Variants in IL12RB1 observed in about 807,000 individuals in gnomAD.
IL12RB1 encodes interleukin-12 receptor subunit beta-1.
Under a neutral mutation model 94.4 loss-of-function variants are expected in IL12RB1, and 64 were observed. That is an observed-to-expected ratio of 0.68 (90% confidence interval 0.55 to 0.83). The LOEUF (loss-of-function observed/expected upper bound fraction) is 0.83, where lower values mean the gene tolerates loss of function less well. Ranked by LOEUF, IL12RB1 falls within the 40% of genes least tolerant of loss-of-function variation. IL12RB1 has a pLI of 0.00. For synonymous variants in IL12RB1, 362 were observed against 355.5 expected (o/e 1.02, Z -0.21); for missense variants, 814 against 855.6 (o/e 0.95, Z 0.61).
chr19:18,091,249 C>A (rs889966341), upstream of IL12RB1, among the ~76,000 whole-genome samples: 29 of 152,234 alleles, frequency 1.9e-4, no homozygotes, highest in African/African-American at 6.5e-4. Context: ...TCCTTCCCTC[C>A]GTCTCTAGGC....
intron 1 of IL12RB1, among the ~76,000 whole-genome samples, chr19:18,095,259 A>C (rs1320507038): frequency 6.6e-6 from 1 of 152,222 alleles, no homozygotes; most frequent in Non-Finnish European, 1.5e-5. Flanking sequence ...AATAGCTACC[A>C]AAATGTGAAA....
intron 15 of IL12RB1, among the ~76,000 whole-genome samples, 168 bp from the exon 16 acceptor site, chr19:18,060,253 T>G (rs1041205869): frequency 6.6e-6 from 1 of 151,822 alleles, no homozygotes; most frequent in African/African-American, 2.4e-5. Context: ...CTGAGGCGGG[T>G]GGATCACTTG....
chr19:18,092,483 T>G (rs2036673560), intron 1 of IL12RB1, among the ~76,000 whole-genome samples: 1 of 151,250 alleles, frequency 6.6e-6, no homozygotes, highest in Non-Finnish European at 1.5e-5. Context: ...AGAGTGAAAT[T>G]CTGTCTCAAA....
At chr19:18,063,805 C>T (rs778922204) in intron 13 of IL12RB1, 71 bp downstream of exon 13, 77 of 1,431,822 alleles carry the variant, frequency 5.4e-5, no homozygotes, top group Non-Finnish European at 7.3e-5. Flanking sequence ...GGCAGGGCTG[C>T]TAAGATCATT....
intron 9 of IL12RB1, chr19:18,071,457 C>A (rs990064460): frequency 1.2e-5 from 5 of 433,610 alleles, no homozygotes; most frequent in South Asian, 7.9e-5. Flanking sequence ...CAGGGTGGAG[C>A]GCAGTGGCTC....
chr19:18,062,182 T>C lies in IL12RB1; in HGVS notation c.1714A>G (p.Arg572Gly), dbSNP rs376261931. Residue 572 changes from arginine to glycine, a missense_variant and splice_region_variant, in exon 14 of 17, where the codon AGG (arginine) becomes GGG (glycine). Coordinates refer to ENST00000593993, the MANE Select transcript of IL12RB1 (RefSeq NM_005535.3). ...GTAACGGTAAGAGGTGTCAGTTACCTGTTCAGGCCAAGGTAGCCAAGGACG... is the reference window on the plus strand; with the variant it reads ...GTAACGGTAAGAGGTGTCAGTTACCCGTTCAGGCCAAGGTAGCCAAGGACG... ...VGVLGYLGLN[R>G]AARHLCPPLP... is the part of the protein sequence containing the mutation. The C allele has an allele frequency of 1.9e-6, 3 of 1,601,320 alleles. No individual in the cohort carries two copies. Among genetic ancestry groups the C allele is most frequent in the Non-Finnish European group, 2.6e-6 (3 of 1,168,706 alleles).
chr19:18,076,308 T>A lies in IL12RB1; in HGVS notation c.569A>T (p.Asp190Val). Reference protein sequence around the residue: ...PWKLGDCGPQDDDTESCLCPL... With the variant: ...PWKLGDCGPQVDDTESCLCPL... The stretch of plus-strand genomic sequence containing the variant: ...ATTATTATTCTCACCAGTATCATCA[T>A]CCTGAGGTCCGCAGTCGCCCTAGAA... The change falls in exon 6 of 17, where the codon GAT (aspartate) becomes GTT (valine). Residue 190 changes from aspartate (D) to valine (V), a missense_variant. Asp to Val is a radical substitution (Grantham distance 152, BLOSUM62 -3). Transcript: ENST00000593993. The A allele has an allele frequency of 6.9e-7, 1 of 1,442,250 alleles. No homozygotes were observed. The highest frequency in any genetic ancestry group is 9.8e-7 in the Non-Finnish European group (1 of 1,023,032). 89.3% of individuals were successfully genotyped at this position (1,442,250 alleles called of 1,614,324 possible).
intron 1 of IL12RB1, among the ~76,000 whole-genome samples, chr19:18,095,130 G>C (rs2036830156): frequency 6.7e-6 from 1 of 149,738 alleles, no homozygotes; most frequent in African/African-American, 2.5e-5. Flanking sequence ...AGTGAGCCAA[G>C]ATCCCGCGAC....
chr19:18,062,205 A>C lies in IL12RB1; in HGVS notation c.1691T>G (p.Val564Gly), dbSNP rs948431593. The stretch of plus-strand genomic sequence containing the variant: ...CCTGTTCAGGCCAAGGTAGCCAAGG[A>C]CGCCCACGAGAAGGATGCTCAGGAA... ...GSFLSILLVGVLGYLGLNRAA... is the reference protein window; with the variant it reads ...GSFLSILLVGGLGYLGLNRAA... The change falls in exon 14 of 17, where the codon GTC becomes GGC. Residue 564 changes from valine to glycine, a missense_variant. Physicochemically the swap from Val to Gly is moderately radical, Grantham distance 109. Transcript: ENST00000593993. The C allele has an allele frequency of 2.5e-6, 4 of 1,612,784 alleles. No individual in the cohort carries two copies. Among genetic ancestry groups the C allele is most frequent in the Non-Finnish European group, 3.4e-6 (4 of 1,179,134 alleles).
intron 7 of IL12RB1, among the ~76,000 whole-genome samples, chr19:18,075,503 T>C (rs931781006): frequency 6.6e-6 from 1 of 151,770 alleles, no homozygotes; most frequent in Non-Finnish European, 1.5e-5. Flanking sequence ...TCAAGTGATC[T>C]GCCCGCCTCA....
intron 12 of IL12RB1, among the ~76,000 whole-genome samples, chr19:18,064,560 C>T (rs867687353): frequency 3.3e-5 from 5 of 151,816 alleles, no homozygotes; most frequent in Admixed American, 6.6e-5. Context: ...GCAACCTCCA[C>T]CTCCCAGGTT....
rs768159975 is a variant in IL12RB1, at chr19:18,066,538, G to T, written c.1483+4C>A. ...CCAAGCCAGGTCTGCACTGCCTCAC[G>T]TACCTGACACCTGTTTGCTGTCTTC... On this transcript the variant is annotated splice_donor_region_variant and intron_variant, in intron 12 of 16. Transcript: ENST00000593993. 2 of 1,608,666 alleles carry T rather than the reference G, an allele frequency of 1.2e-6. No individual in the cohort carries two copies. Among genetic ancestry groups the T allele is most frequent in the African/African-American group, 1.3e-5 (1 of 74,780 alleles).
chr19:18,097,463 T>G (rs2037042358), intron 1 of IL12RB1, among the ~76,000 whole-genome samples: 1 of 152,114 alleles, frequency 6.6e-6, no homozygotes, highest in South Asian at 2.1e-4. Context: ...CCTCCCAAAG[T>G]GCTGGGATAC....
At chr19:18,073,825 T>C (rs1173377210) in intron 7 of IL12RB1, among the ~76,000 whole-genome samples, 2 of 152,218 alleles carry the variant, frequency 1.3e-5, no homozygotes, top group African/African-American at 2.4e-5. Flanking sequence ...TGTTTGTTTG[T>C]TTGTTCGTTT....
chr19:18,086,807 G>T lies in IL12RB1; in HGVS notation c.17C>A (p.Thr6Asn). ...GAGGAAGAGGAGGGGGACCACCCAG[G>T]TCACCAGCGGCTCCATCGGATCCAC... The part of the protein sequence containing the change: MEPLV[T>N]WVVPLLFLFL... The change falls in exon 1 of 17, where the codon ACC becomes AAC. Residue 6 changes from threonine to asparagine, a missense_variant. Coordinates refer to ENST00000593993, the MANE Select transcript of IL12RB1 (RefSeq NM_005535.3). 6.2e-7 allele frequency: 1 copy of T among 1,611,632 alleles called. No individual in the cohort carries two copies. Among genetic ancestry groups the T allele is most frequent in the South Asian group, 1.1e-5 (1 of 90,760 alleles).
At chr19:18,097,839 C>T (rs983319923) in intron 1 of IL12RB1, 2 of 1,228,610 alleles carry the variant, frequency 1.6e-6, no homozygotes, top group Non-Finnish European at 1.0e-6. Flanking sequence ...CAGGTGAGGC[C>T]CCTGCGCGGG....
chr19:18,063,534 G>C (rs17878773), intron 13 of IL12RB1, among the ~76,000 whole-genome samples: 114 of 152,280 alleles, frequency 7.5e-4, no homozygotes, highest in Non-Finnish European at 1.3e-3. Context: ...CCAGGGAGAA[G>C]GGACAGTTGT....
At chr19:18,066,177 G>A (rs975720287) in intron 12 of IL12RB1, among the ~76,000 whole-genome samples, 53 of 151,742 alleles carry the variant, frequency 3.5e-4, no homozygotes, top group African/African-American at 1.3e-3. Context: ...GTACAATCTC[G>A]GCTCACTGCA....
chr19:18,066,136 C>T (rs1410183669), intron 12 of IL12RB1, among the ~76,000 whole-genome samples: 2 of 151,430 alleles, frequency 1.3e-5, no homozygotes, highest in East Asian at 3.9e-4. Context: ...GAGACAGAGT[C>T]TCACTCTGTC....
Sources: gnomAD v4.1 joint callset for allele counts (sites outside exome capture counted in the v4.1 genomes callset) on GRCh38, gnomAD v4.1.1 for gene constraint, MANE v1.5 for transcripts, NCBI Gene and HGNC (gene_info 2026-07-23, HGNC 2026-07-21) for gene names.